RFC4: variants seen among roughly 807,000 people sequenced by gnomAD.
The protein encoded by RFC4 is replication factor C subunit 4, also known as A1 37 kDa subunit.
Under a neutral mutation model 47.6 loss-of-function variants are expected in RFC4, and 38 were observed. The ratio of observed to expected loss-of-function variants is 0.80; its 90% CI spans 0.62 to 1.05. The LOEUF (loss-of-function observed/expected upper bound fraction) is 1.05. Among genes scored for constraint, RFC4 ranks in the 50% least tolerant of loss-of-function variants. RFC4 has a pLI of 0.00. For missense variants in RFC4, 489 were observed against 434.0 expected, an observed-to-expected ratio of 1.13 and a Z score of -1.13; for synonymous variants, 164 against 150.0, an observed-to-expected ratio of 1.09 and a Z score of -0.68.
intron 3 of RFC4, among the ~76,000 whole-genome samples, chr3:186,798,968 T>C (rs923656774): frequency 6.6e-6 from 1 of 152,198 alleles, no homozygotes; most frequent in Non-Finnish European, 1.5e-5. Flanking sequence ...CATAGACAAA[T>C]ATGTTAATTA....
intron 8 of RFC4, 45 bp downstream of exon 8, chr3:186,791,680 A>C (rs780083087): frequency 5.0e-6 from 8 of 1,596,636 alleles, no homozygotes; most frequent in Non-Finnish European, 6.9e-6. Context: ...TAAAAGCCAC[A>C]AAAAAGCCAA....
Position 186,790,067 on chromosome 3 carries a change from A to AG in RFC4, c.997-4_997-3insC. ...TCTGCTAGGCATTTGTCAACTTCCTACGAGAAAAATTTAAGAAATTAGCAT... is the reference window on the plus strand; with the variant it reads ...TCTGCTAGGCATTTGTCAACTTCCTAGCGAGAAAAATTTAAGAAATTAGCAT... On this transcript the variant is annotated splice_polypyrimidine_tract_variant and splice_region_variant and intron_variant, in intron 10 of 10. Coordinates refer to ENST00000296273, the MANE Select transcript of RFC4 (RefSeq NM_002916.5). The AG allele has an allele frequency of 6.2e-7, 1 of 1,612,974 alleles. No individual in the cohort carries two copies. Among genetic ancestry groups the AG allele is most frequent in the South Asian group, 1.1e-5 (1 of 90,986 alleles).
intron 7 of RFC4, among the ~76,000 whole-genome samples, chr3:186,792,140 G>C (rs1722154607): frequency 6.6e-6 from 1 of 152,134 alleles, no homozygotes; most frequent in Non-Finnish European, 1.5e-5. Flanking sequence ...CTGTTATAAT[G>C]AATAAGGGCC....
chr3:186,790,703 G>GCTAT (rs112884041), intron 8 of RFC4, among the ~76,000 whole-genome samples: 1,600 of 152,272 alleles, frequency 0.011, 25 homozygotes, highest in East Asian at 0.072. Flanking sequence ...TCCCCTAGCG[G>GCTAT]CTATAACGAT....
At chr3:186,800,747 C>T (rs1206014463) in intron 3 of RFC4, among the ~76,000 whole-genome samples, 1 of 152,038 alleles carries the variant, frequency 6.6e-6, no homozygotes, top group Non-Finnish European at 1.5e-5. Context: ...CTTTATAGCA[C>T]ATATTACTAC....
intron 3 of RFC4, among the ~76,000 whole-genome samples, chr3:186,798,106 A>G (rs1314356993): frequency 6.6e-6 from 1 of 152,208 alleles, no homozygotes; most frequent in African/African-American, 2.4e-5. Context: ...CAGAAGTACC[A>G]AGAACAGAAA....
At position 186,789,933 on chromosome 3, in the gene RFC4, A is replaced by ATTAT; in HGVS notation, c.*32_*35dup. 7.7e-7 allele frequency: 1 copy of ATTAT among 1,290,694 alleles called. No individual in the cohort carries two copies. Among genetic ancestry groups the ATTAT allele is most frequent in the South Asian group, 1.2e-5 (1 of 80,024 alleles). 80.0% of individuals were successfully genotyped at this position (1,290,694 alleles called of 1,614,324 possible). A position where few individuals can be genotyped will look rare whatever the true frequency, so the allele number is the denominator to read the frequency against. ...GTCATTTTATTTTTATTACAACTTC[A>ATTAT]TTATTTACAAAACCCCCCATCCAGA... is the stretch of plus-strand genomic sequence containing the variant. On this transcript the variant is annotated 3_prime_UTR_variant, in exon 11 of 11. Coordinates refer to ENST00000296273, the MANE Select transcript of RFC4 (RefSeq NM_002916.5).
Position 186,804,662 on chromosome 3 carries a change from T to C in RFC4, c.52A>G (p.Lys18Glu). Residue 18 changes from lysine to glutamate, a missense_variant, in exon 2 of 11, where the codon AAG (lysine) becomes GAG (glutamate). By Grantham distance (56) the Lys-to-Glu change is moderately conservative (BLOSUM62 1). Coordinates refer to ENST00000296273, the MANE Select transcript of RFC4 (RefSeq NM_002916.5). Reference protein sequence around the residue: ...TSISTKPPLTKDRGVAASAGS... With the variant: ...TSISTKPPLTEDRGVAASAGS... ...GCACTGGCAGCTACTCCTCGATCCT[T>C]GGTCAGCGGGGGTTTAGTACTGATG... The C allele has an allele frequency of 6.2e-7, 1 of 1,614,152 alleles. No homozygotes were observed. Among genetic ancestry groups the C allele is most frequent in the South Asian group, 1.1e-5 (1 of 91,074 alleles).
intron 4 of RFC4, among the ~76,000 whole-genome samples, chr3:186,795,887 C>T (rs1722234857): frequency 6.6e-6 from 1 of 152,106 alleles, no homozygotes; most frequent in Non-Finnish European, 1.5e-5. Context: ...TGGATTAAAA[C>T]ATGAGCAGGT....
At chr3:186,805,507 C>T in intron 1 of RFC4, 1 of 152,370 alleles carries the variant, frequency 6.6e-6, no homozygotes, top group Non-Finnish European at 1.5e-5. Flanking sequence ...CAGGTGTGAG[C>T]CATCTCGCCT....
At chr3:186,802,588 T>C (rs900995241) in intron 2 of RFC4, among the ~76,000 whole-genome samples, 8 of 152,208 alleles carry the variant, frequency 5.3e-5, no homozygotes, top group Non-Finnish European at 1.0e-4. Flanking sequence ...ATAATTTTCA[T>C]CTTACAACAG....
chr3:186,795,799 A>G (rs995899267), intron 4 of RFC4, among the ~76,000 whole-genome samples: 4 of 152,212 alleles, frequency 2.6e-5, no homozygotes, highest in African/African-American at 9.7e-5. Flanking sequence ...TCTCAAAAAT[A>G]AATAAATAAA....
At chr3:186,790,277 G>GGAAAGGAA in intron 9 of RFC4, 22 bp from the exon 10 acceptor site, 1 of 1,610,378 alleles carries the variant, frequency 6.2e-7, no homozygotes, top group Non-Finnish European at 8.5e-7. Flanking sequence ...AAAACTTTTG[G>GGAAAGGAA]TATGATGACT....
intron 8 of RFC4, 90 bp from the exon 9 acceptor site, chr3:186,790,496 C>T: frequency 3.4e-6 from 3 of 870,292 alleles, no homozygotes; most frequent in Non-Finnish European, 5.9e-6. Flanking sequence ...CCAGTCATTT[C>T]TGTTCCACAC....
intron 3 of RFC4, 69 bp downstream of exon 3, chr3:186,801,048 A>T (rs1255671500): frequency 8.7e-7 from 1 of 1,149,962 alleles, no homozygotes; most frequent in African/African-American, 1.5e-5. Context: ...GAAGTTATAA[A>T]GGAAGAAAGA....
chr3:186,790,487 C>A (rs552348442), intron 8 of RFC4, 81 bp from the exon 9 acceptor site: 3 of 972,062 alleles, frequency 3.1e-6, no homozygotes, highest in Admixed American at 3.5e-5. Flanking sequence ...CCCGTGCCCC[C>A]AGTCATTTCT....
At chr3:186,798,775 C>G (rs1722294995) in intron 3 of RFC4, among the ~76,000 whole-genome samples, 1 of 152,132 alleles carries the variant, frequency 6.6e-6, no homozygotes, top group Admixed American at 6.6e-5. Context: ...GTCTCCTCTC[C>G]TATTCTCTCA....
intron 3 of RFC4, 91 bp from the exon 4 acceptor site, chr3:186,797,705 A>G (rs1381056080): frequency 3.6e-6 from 3 of 839,054 alleles, no homozygotes; most frequent in Non-Finnish European, 5.8e-6. Context: ...GGAATAGTGC[A>G]ATGACTTCTC....
At chr3:186,800,067 C>T (rs1382362016) in intron 3 of RFC4, among the ~76,000 whole-genome samples, 2 of 152,046 alleles carry the variant, frequency 1.3e-5, no homozygotes, top group Non-Finnish European at 1.5e-5. Context: ...ATGATTCTCC[C>T]GCTTTAGCCT....
Sources: allele counts gnomAD v4.1 joint callset (sites outside exome capture counted in the v4.1 genomes callset), GRCh38; gene constraint gnomAD v4.1.1; transcripts MANE v1.5; gene names NCBI Gene and HGNC (gene_info 2026-07-23, HGNC 2026-07-21).